Variants in HS6ST3 observed in about 807,000 individuals in gnomAD.
HS6ST3 encodes the protein heparan-sulfate 6-O-sulfotransferase 3.
In HS6ST3, 12 loss-of-function variants were observed where a neutral mutation model predicts 36.7. That is an observed-to-expected ratio of 0.33 (90% CI 0.21 to 0.53). The LOEUF is 0.53. Ranked by LOEUF, HS6ST3 falls within the 20% of genes least tolerant of loss-of-function variation. The pLI, the probability that HS6ST3 is intolerant of heterozygous loss-of-function variation, is 0.95. For synonymous variants in HS6ST3, 240 were observed against 257.5 expected, an observed-to-expected ratio of 0.93 and a Z score of 0.65; for missense variants, 584 against 640.9, an observed-to-expected ratio of 0.91 and a Z score of 0.96.
rs368511214 is a variant in HS6ST3 at position 96,765,259 on chromosome 13, T to A, written c.708-67231T>A. 3.3e-4 allele frequency among the ~76,000 whole-genome samples: 50 copies of A among 151,914 alleles called. No homozygotes were observed. The East Asian group carries it at 4.7e-3, about 14-fold the overall frequency. ...GGCTAATTTTTTGTATTTTTAGTAGTGACGGGGTTTCACCATGTTAGCCAG... is the reference window on the plus strand; with the variant it reads ...GGCTAATTTTTTGTATTTTTAGTAGAGACGGGGTTTCACCATGTTAGCCAG... On this transcript the variant is annotated intron_variant, in intron 1 of 1. Coordinates refer to ENST00000376705, the MANE Select transcript of HS6ST3 (RefSeq NM_153456.4).
chr13:96,124,380 T>C (rs536949802), intron 1 of HS6ST3, among the ~76,000 whole-genome samples: 1 of 152,322 alleles, frequency 6.6e-6, no homozygotes, highest in Non-Finnish European at 1.5e-5. Flanking sequence ...CATGCTTCTT[T>C]GGTGGATGGG....
chr13:96,672,054 T>G (rs890705046), intron 1 of HS6ST3, among the ~76,000 whole-genome samples: 1 of 152,182 alleles, frequency 6.6e-6, no homozygotes, highest in Non-Finnish European at 1.5e-5. Context: ...ATATTTATTC[T>G]TCTGTCATTT....
At position 96,282,689 on chromosome 13, in the gene HS6ST3, A is replaced by G. The variant is rs139631657; in HGVS notation, c.707+191120A>G. 1.4e-3 allele frequency among the ~76,000 whole-genome samples: 216 copies of G among 152,320 alleles called. 1 individual carries two copies. Among genetic ancestry groups the G allele is most frequent in the Admixed American group, 2.2e-3 (33 of 15,294 alleles). The stretch of plus-strand genomic sequence containing the variant: ...GATTAGGGTACTCCAAGTATGTTGA[A>G]TAATATGTAAGTTCTTAGGTAGAAT... On this transcript the variant is annotated intron_variant, in intron 1 of 1. Coordinates refer to ENST00000376705, the MANE Select transcript of HS6ST3 (RefSeq NM_153456.4).
chr13:96,255,674 T>A (rs919916490), intron 1 of HS6ST3, among the ~76,000 whole-genome samples: 2 of 152,172 alleles, frequency 1.3e-5, no homozygotes, highest in African/African-American at 4.8e-5. Context: ...CCAACTTCCA[T>A]ATAAAACTTG....
chr13:96,157,938 G>A (rs1469113839), intron 1 of HS6ST3, among the ~76,000 whole-genome samples: 1 of 152,180 alleles, frequency 6.6e-6, no homozygotes, highest in Admixed American at 6.5e-5. Flanking sequence ...GAACAATGAA[G>A]ACAGAAACAG....
At chr13:96,489,387 CA>C in intron 1 of HS6ST3, among the ~76,000 whole-genome samples, 1 of 151,508 alleles carries the variant, frequency 6.6e-6, no homozygotes, top group Non-Finnish European at 1.5e-5. Flanking sequence ...CACACACACA[CA>C]CACACACACA....
At chr13:96,476,891 T>TA (rs2055866764) in intron 1 of HS6ST3, among the ~76,000 whole-genome samples, 1 of 152,188 alleles carries the variant, frequency 6.6e-6, no homozygotes, top group South Asian at 2.1e-4. Context: ...TTCTCCTAAA[T>TA]AATTTAGAAC....
Position 96,832,522 on chromosome 13 carries a change from C to T in HS6ST3, c.740C>T (p.Pro247Leu). Residue 247 changes from proline to leucine, a missense_variant, in exon 2 of 2, where the codon CCA becomes CTA. By Grantham distance (98) the Pro-to-Leu change is moderately conservative. Transcript: ENST00000376705. ...NFYYITMLRD[P>L]VSRYLSEWKH... ...TATTACATCACAATGTTACGGGATC[C>T]AGTGTCACGTTACCTGAGCGAGTGG... 6.3e-7 allele frequency: 1 copy of T among 1,593,898 alleles called. No homozygotes were observed. Among genetic ancestry groups the T allele is most frequent in the Non-Finnish European group, 8.5e-7 (1 of 1,171,806 alleles).
At chr13:96,686,431 A>C (rs1342955179) in intron 1 of HS6ST3, among the ~76,000 whole-genome samples, 6 of 152,010 alleles carry the variant, frequency 3.9e-5, no homozygotes, top group Non-Finnish European at 1.5e-5. Flanking sequence ...GCCTTGAATT[A>C]TTATTTTCAT....
intron 1 of HS6ST3, among the ~76,000 whole-genome samples, chr13:96,235,965 A>G (rs898052746): frequency 6.6e-6 from 1 of 152,310 alleles, no homozygotes; most frequent in East Asian, 1.9e-4. Context: ...TCCAAGCCCC[A>G]AAACCTCAGA....
chr13:96,356,192 G>T (rs1250349769), intron 1 of HS6ST3, among the ~76,000 whole-genome samples: 1 of 152,070 alleles, frequency 6.6e-6, no homozygotes, highest in African/African-American at 2.4e-5. Flanking sequence ...CTCCATTGAA[G>T]GCTTGAACCC....
chr13:96,239,926 T>C (rs1218085602), intron 1 of HS6ST3, among the ~76,000 whole-genome samples: 1 of 152,168 alleles, frequency 6.6e-6, no homozygotes, highest in Admixed American at 6.5e-5. Flanking sequence ...TTTAATGCAA[T>C]AGAAAAGCAA....
intron 1 of HS6ST3, among the ~76,000 whole-genome samples, chr13:96,461,671 T>C (rs2055784940): frequency 6.6e-6 from 1 of 152,220 alleles, no homozygotes. Context: ...AGCTCCAAAG[T>C]TGGCTTTCAC....
At chr13:96,827,992 T>C (rs1878684494) in intron 1 of HS6ST3, among the ~76,000 whole-genome samples, 1 of 152,198 alleles carries the variant, frequency 6.6e-6, no homozygotes, top group Non-Finnish European at 1.5e-5. Flanking sequence ...TGCACACAAC[T>C]TTATCATCAG....
chr13:96,272,499 T>C lies in HS6ST3; in HGVS notation c.707+180930T>C, dbSNP rs2054726088. 3.3e-5 allele frequency among the ~76,000 whole-genome samples: 5 copies of C among 152,002 alleles called. No individual in the cohort carries two copies. In the South Asian group the frequency reaches 1.0e-3, roughly 31 times the overall value. On this transcript the variant is annotated intron_variant, in intron 1 of 1. Transcript: ENST00000376705. ...CAAGGGGAATAGAAACTTCTTGATG[T>C]ATTCTCAGTTTTAGTCATAACAGAG...
intron 1 of HS6ST3, among the ~76,000 whole-genome samples, chr13:96,387,694 A>G (rs2055375278): frequency 6.6e-6 from 1 of 152,190 alleles, no homozygotes; most frequent in African/African-American, 2.4e-5. Context: ...AATTGCTCCA[A>G]TTACCCCAAG....
intron 1 of HS6ST3, among the ~76,000 whole-genome samples, chr13:96,317,352 A>AAAAT (rs371822264): frequency 1.4e-5 from 1 of 71,042 alleles, no homozygotes; most frequent in African/African-American, 9.0e-5. Context: ...ATATATATAT[A>AAAAT]TATATATATA....
chr13:96,486,683 C>T (rs184301648), intron 1 of HS6ST3, among the ~76,000 whole-genome samples: 46 of 152,264 alleles, frequency 3.0e-4, no homozygotes, highest in African/African-American at 1.0e-3. Flanking sequence ...AGTGTCTGTT[C>T]ATATCCTTTG....
intron 1 of HS6ST3, among the ~76,000 whole-genome samples, chr13:96,481,154 C>A (rs1162627582): frequency 6.6e-6 from 1 of 152,208 alleles, no homozygotes; most frequent in Non-Finnish European, 1.5e-5. Flanking sequence ...TCATGACCAT[C>A]TCTGTCCTTT....
Sources: gnomAD v4.1 joint callset for allele counts (sites outside exome capture counted in the v4.1 genomes callset) on GRCh38, gnomAD v4.1.1 for gene constraint, MANE v1.5 for transcripts, NCBI Gene and HGNC (gene_info 2026-07-23, HGNC 2026-07-21) for gene names.